Variants in ABHD17C observed in about 807,000 individuals in gnomAD.
ABHD17C encodes alpha/beta hydrolase domain-containing protein 17C.
ABHD17C carries 11 observed loss-of-function variants against 27.9 expected under a neutral mutation model. That is an observed-to-expected ratio of 0.39 (90% CI 0.25 to 0.65). The LOEUF is 0.65. ABHD17C is among the 30% of genes least tolerant of loss of function. ABHD17C has a pLI of 0.45. For missense variants in ABHD17C, 280 were observed against 470.2 expected, an observed-to-expected ratio of 0.60 and a Z score of 3.74; for synonymous variants, 233 against 209.1, an observed-to-expected ratio of 1.11 and a Z score of -0.98.
intron 1 of ABHD17C, among the ~76,000 whole-genome samples, chr15:80,732,651 AAG>A (rs1443968380): frequency 1.3e-5 from 2 of 152,180 alleles, no homozygotes; most frequent in Admixed American, 6.5e-5. Flanking sequence ...GACGGGCACA[AAG>A]AGAGGATTAG....
intron 1 of ABHD17C, among the ~76,000 whole-genome samples, chr15:80,715,073 G>C (rs939694309): frequency 6.6e-6 from 1 of 152,088 alleles, no homozygotes; most frequent in East Asian, 1.9e-4. Flanking sequence ...GAGCCACCGC[G>C]CCCGGCCTAC....
chr15:80,715,706 C>T (rs752369795), intron 1 of ABHD17C, among the ~76,000 whole-genome samples: 3 of 152,168 alleles, frequency 2.0e-5, no homozygotes, highest in Admixed American at 6.5e-5. Context: ...TTCCTAAGAA[C>T]GGTTCTGTGC....
At chr15:80,748,415 A>G (rs1354530922) in intron 1 of ABHD17C, among the ~76,000 whole-genome samples, 2 of 151,986 alleles carry the variant, frequency 1.3e-5, no homozygotes, top group Non-Finnish European at 2.9e-5. Flanking sequence ...CCACTTTTCC[A>G]TGTCCTTGCC....
chr15:80,713,900 C>CACA (rs1894765543), intron 1 of ABHD17C, among the ~76,000 whole-genome samples: 1 of 141,048 alleles, frequency 7.1e-6, no homozygotes, highest in African/African-American at 2.7e-5. Context: ...CATATACAGA[C>CACA]CACACACACA....
chr15:80,696,853 A>C (rs1894502503), intron 1 of ABHD17C, among the ~76,000 whole-genome samples: 1 of 152,202 alleles, frequency 6.6e-6, no homozygotes, highest in African/African-American at 2.4e-5. Flanking sequence ...ATTAGACAAA[A>C]GTCTTATACA....
At chr15:80,700,281 A>C (rs1169995640) in intron 1 of ABHD17C, among the ~76,000 whole-genome samples, 1 of 152,218 alleles carries the variant, frequency 6.6e-6, no homozygotes, top group South Asian at 2.1e-4. Context: ...CCGAAGAATG[A>C]GGTGTAAAGG....
chr15:80,715,628 G>A (rs1894793505), intron 1 of ABHD17C, among the ~76,000 whole-genome samples: 1 of 152,208 alleles, frequency 6.6e-6, no homozygotes, highest in Non-Finnish European at 1.5e-5. Context: ...AAGATTTGAG[G>A]AAGAGCAACC....
chr15:80,696,396 C>G lies in ABHD17C; in HGVS notation c.590+377C>G, dbSNP rs529910021. ...TTGGTTCGAGTTTCGTTTGTACGAG[C>G]TGAAGTGACCTTGGGCAAGGCACAT... On this transcript the variant is annotated intron_variant, in intron 1 of 2. Transcript: ENST00000258884. 1.4e-4 allele frequency among the ~76,000 whole-genome samples: 22 copies of G among 152,348 alleles called. No homozygotes were observed. The South Asian group carries it at 4.1e-3, about 29-fold the overall frequency.
intron 1 of ABHD17C, among the ~76,000 whole-genome samples, chr15:80,727,506 G>A (rs1031699084): frequency 2.6e-5 from 4 of 152,166 alleles, no homozygotes; most frequent in Non-Finnish European, 5.9e-5. Context: ...CAGTGTCATA[G>A]CATAGCATTC....
At chr15:80,717,207 A>G (rs2141500017) in intron 1 of ABHD17C, among the ~76,000 whole-genome samples, 1 of 150,646 alleles carries the variant, frequency 6.6e-6, no homozygotes, top group East Asian at 1.9e-4. Flanking sequence ...TTCCTTTACA[A>G]TTGAACATAC....
chr15:80,718,141 C>T (rs564435538), intron 1 of ABHD17C, among the ~76,000 whole-genome samples: 13 of 152,210 alleles, frequency 8.5e-5, no homozygotes, highest in African/African-American at 2.6e-4. Context: ...GAACACTGCC[C>T]GTGTAAGCTT....
intron 1 of ABHD17C, among the ~76,000 whole-genome samples, chr15:80,748,116 G>A (rs1895314852): frequency 6.6e-6 from 1 of 152,158 alleles, no homozygotes; most frequent in Non-Finnish European, 1.5e-5. Flanking sequence ...TCTCCATAAA[G>A]CATGTTCCAA....
intron 2 of ABHD17C, among the ~76,000 whole-genome samples, chr15:80,753,145 G>A (rs1895386152): frequency 1.3e-5 from 2 of 152,000 alleles, no homozygotes; most frequent in African/African-American, 4.8e-5. Flanking sequence ...ACATTCATTT[G>A]ATATGTTAAG....
chr15:80,731,801 G>A (rs1895060866), intron 1 of ABHD17C, among the ~76,000 whole-genome samples: 1 of 152,084 alleles, frequency 6.6e-6, no homozygotes, highest in South Asian at 2.1e-4. Context: ...TGGTACTTAT[G>A]TAATAAGAAA....
intron 1 of ABHD17C, among the ~76,000 whole-genome samples, chr15:80,705,366 T>TGTGTGTGTGTGTGTGG (rs1300324609): frequency 3.3e-5 from 5 of 150,676 alleles, no homozygotes; most frequent in Non-Finnish European, 5.9e-5. Context: ...TGTGTGTGTG[T>TGTGTGTGTGTGTGTGG]GGTTAGGAGC....
chr15:80,697,854 G>A (rs865920316), intron 1 of ABHD17C, among the ~76,000 whole-genome samples: 1 of 152,094 alleles, frequency 6.6e-6, no homozygotes, highest in South Asian at 2.1e-4. Flanking sequence ...GGCTGCATGC[G>A]AAGCTTAGAA....
chr15:80,724,516 T>C (rs994614698), intron 1 of ABHD17C, among the ~76,000 whole-genome samples: 2 of 152,220 alleles, frequency 1.3e-5, no homozygotes, highest in Non-Finnish European at 2.9e-5. Flanking sequence ...GATTGAGTTA[T>C]GTCTTGTTTA....
rs768105705 is a variant in ABHD17C, at chr15:80,695,498, G to C, written c.69G>C (p.Pro23=). Residue 23 remains proline, a synonymous_variant, in exon 1 of 3, where the codon CCG becomes CCC. Coordinates refer to ENST00000258884, the MANE Select transcript of ABHD17C (RefSeq NM_021214.2). The surrounding 1 kb of genome is among the most constrained non-coding windows in gnomAD (Gnocchi z 4.3). ...AGCTGTGCTGGCTCTTCTGCTGCCC[G>C]CCCTGCCCGAGCCGCATCGCCGCCA... ...LGELCWLFCC[P]PCPSRIAAKL... 1.4e-6 allele frequency: 2 copies of C among 1,389,792 alleles called. No individual in the cohort carries two copies. Among genetic ancestry groups the C allele is most frequent in the African/African-American group, 1.5e-5 (1 of 65,266 alleles). 86.1% of individuals were successfully genotyped at this position (1,389,792 alleles called of 1,614,324 possible).
intron 1 of ABHD17C, among the ~76,000 whole-genome samples, chr15:80,725,280 A>G (rs1424422453): frequency 2.0e-5 from 3 of 152,186 alleles, no homozygotes; most frequent in Admixed American, 2.0e-4. Flanking sequence ...AGACCCTTGG[A>G]ATGGAGATGA....
Sources: allele counts gnomAD v4.1 joint callset (sites outside exome capture counted in the v4.1 genomes callset), GRCh38; gene constraint gnomAD v4.1.1; non-coding constraint Gnocchi (gnomAD v3.1); transcripts MANE v1.5; gene names NCBI Gene and HGNC (gene_info 2026-07-23, HGNC 2026-07-21).